Variants in FHOD3 observed in about 807,000 individuals in gnomAD.
FHOD3 encodes FH1/FH2 domain-containing protein 3.
In FHOD3, 90 loss-of-function variants were observed where a neutral mutation model predicts 173.0. The ratio of observed to expected loss-of-function variants is 0.52; its 90% CI spans 0.44 to 0.62. The LOEUF is 0.62. FHOD3 is among the 20% of genes least tolerant of loss of function. FHOD3 has a pLI of 0.00. For missense variants in FHOD3, 1,945 were observed against 2,034.7 expected (o/e 0.96, Z 0.85); for synonymous variants, 828 against 823.0 (o/e 1.01, Z -0.10).
At chr18:36,755,397 CTTTTTTTTTTTTTT>C (rs200164880) in intron 25 of FHOD3, 86 bp downstream of exon 25, 191 of 212,442 alleles carry the variant, frequency 9.0e-4, no homozygotes, top group South Asian at 1.6e-3. Context: ...AAAAGCTGTG[CTTTTTTTTTTTTTT>C]TTTTTTTTTT....
intron 5 of FHOD3, among the ~76,000 whole-genome samples, chr18:36,515,454 G>A (rs1424739543): frequency 1.3e-5 from 2 of 152,100 alleles, no homozygotes; most frequent in African/African-American, 2.4e-5. Context: ...TCCTGACCTC[G>A]TGATCACCCG....
At chr18:36,515,936 A>G (rs1039624583) in intron 5 of FHOD3, among the ~76,000 whole-genome samples, 10 of 152,186 alleles carry the variant, frequency 6.6e-5, no homozygotes, top group Admixed American at 2.0e-4. Flanking sequence ...ACTGTGCCCA[A>G]TTGTCACCAC....
intron 5 of FHOD3, among the ~76,000 whole-genome samples, chr18:36,542,672 C>T (rs2057270279): frequency 6.6e-6 from 1 of 152,124 alleles, no homozygotes; most frequent in Non-Finnish European, 1.5e-5. Flanking sequence ...AAAAAAATGG[C>T]ATATTTAAAC....
intron 1 of FHOD3, among the ~76,000 whole-genome samples, chr18:36,354,557 T>G (rs976976968): frequency 1.3e-5 from 2 of 152,138 alleles, no homozygotes; most frequent in African/African-American, 4.8e-5. Flanking sequence ...ATTCCAGCAC[T>G]TTGGGAGGCC....
At chr18:36,609,950 C>G (rs1386760904) in intron 8 of FHOD3, among the ~76,000 whole-genome samples, 1 of 152,128 alleles carries the variant, frequency 6.6e-6, no homozygotes, top group African/African-American at 2.4e-5. Flanking sequence ...AAATTATTTA[C>G]CAGTGATTCC....
chr18:36,759,219 C>A, intron 26 of FHOD3, 78 bp downstream of exon 26: 2 of 1,418,258 alleles, frequency 1.4e-6, no homozygotes, highest in Non-Finnish European at 1.9e-6. Context: ...ACATAATCAG[C>A]ATGAAGTGTC....
At chr18:36,729,548 G>A (rs1340022396) in intron 19 of FHOD3, among the ~76,000 whole-genome samples, 1 of 152,222 alleles carries the variant, frequency 6.6e-6, no homozygotes, top group Non-Finnish European at 1.5e-5. Flanking sequence ...GTACTGGCCA[G>A]TTAGGTTTCT....
intron 13 of FHOD3, among the ~76,000 whole-genome samples, chr18:36,656,607 T>C (rs2036443009): frequency 6.6e-6 from 1 of 152,208 alleles, no homozygotes; most frequent in Admixed American, 6.5e-5. Flanking sequence ...TTCATCTCTC[T>C]ATTCTTTTTT....
At chr18:36,734,983 A>G (rs1199164517) in intron 20 of FHOD3, among the ~76,000 whole-genome samples, 1 of 152,236 alleles carries the variant, frequency 6.6e-6, no homozygotes, top group Non-Finnish European at 1.5e-5. Flanking sequence ...TCATAAGAGT[A>G]TTAAACCAGA....
chr18:36,429,536 A>G (rs1190255345), intron 3 of FHOD3, among the ~76,000 whole-genome samples: 1 of 152,158 alleles, frequency 6.6e-6, no homozygotes, highest in Non-Finnish European at 1.5e-5. Flanking sequence ...CCACATGCGA[A>G]CTTCATTCCT....
intron 14 of FHOD3, among the ~76,000 whole-genome samples, chr18:36,680,452 AT>A (rs965236270): frequency 1.4e-4 from 21 of 152,188 alleles, no homozygotes; most frequent in African/African-American, 4.1e-4. Flanking sequence ...TGTTTTGGAG[AT>A]TTTTTTCCAT....
intron 1 of FHOD3, among the ~76,000 whole-genome samples, chr18:36,299,024 C>T (rs752274039): frequency 1.1e-4 from 16 of 150,094 alleles, no homozygotes; most frequent in Admixed American, 1.3e-4. Flanking sequence ...AAGAGATAAG[C>T]GTTGATGCCC....
intron 10 of FHOD3, among the ~76,000 whole-genome samples, chr18:36,629,432 G>A (rs948860735): frequency 5.3e-5 from 8 of 152,214 alleles, no homozygotes; most frequent in South Asian, 2.1e-4. Flanking sequence ...CTCACAGGCC[G>A]TATAAAAACA....
chr18:36,325,042 A>G (rs2044598194), intron 1 of FHOD3, among the ~76,000 whole-genome samples: 2 of 152,230 alleles, frequency 1.3e-5, no homozygotes, highest in Non-Finnish European at 2.9e-5. Flanking sequence ...AATCTCACAG[A>G]TATATAGTTG....
rs1600394763 is a variant in FHOD3 at position 36,718,195 on chromosome 18, A to G, written c.2897A>G (p.Glu966Gly). 3 of 1,613,894 alleles carry G rather than the reference A, an allele frequency of 1.9e-6. No homozygotes were observed. In the South Asian group the frequency reaches 3.3e-5, roughly 18 times the overall value. Residue 966 changes from glutamate to glycine, a missense_variant, in exon 19 of 29, where the codon GAA becomes GGA. Physicochemically the swap from Glu to Gly is moderately conservative, Grantham distance 98. Coordinates refer to ENST00000590592, the MANE Select transcript of FHOD3 (RefSeq NM_001281740.3). ...PDAEPNDKVPETAPVQPKTES... is the reference protein window; with the variant it reads ...PDAEPNDKVPGTAPVQPKTES... ...GCTGAGCCCAATGACAAGGTCCCAGAAACAGCGCCGGTGCAGCCGAAGACA... is the reference window on the plus strand; with the variant it reads ...GCTGAGCCCAATGACAAGGTCCCAGGAACAGCGCCGGTGCAGCCGAAGACA...
In FHOD3 at chr18:36,708,824, T is replaced by C. The variant is rs143997540; in HGVS notation, c.2237-271T>C. On this transcript the variant is annotated intron_variant, in intron 17 of 28. Transcript: ENST00000590592. ...TTTTCTGCTGCCAATTGGAAAACTC[T>C]CTGCCTTTAAAAGCCTTTCCTGATT... Among the ~76,000 whole-genome samples, 4 of 152,338 alleles carry C rather than the reference T, an allele frequency of 2.6e-5. No homozygotes were observed. In the East Asian group the frequency reaches 7.7e-4, roughly 29 times the overall value.
intron 5 of FHOD3, among the ~76,000 whole-genome samples, chr18:36,558,896 G>A (rs1269491434): frequency 6.6e-6 from 1 of 152,262 alleles, no homozygotes; most frequent in African/African-American, 2.4e-5. Flanking sequence ...TGGTGTCACT[G>A]CTGAGTTGCA....
At chr18:36,348,858 G>A (rs372826350) in intron 1 of FHOD3, among the ~76,000 whole-genome samples, 14 of 152,258 alleles carry the variant, frequency 9.2e-5, no homozygotes, top group African/African-American at 3.1e-4. Flanking sequence ...CTGCAGTGTC[G>A]TGGTGCATTC....
At chr18:36,433,103 C>T (rs567032339) in intron 3 of FHOD3, among the ~76,000 whole-genome samples, 2 of 152,140 alleles carry the variant, frequency 1.3e-5, no homozygotes, top group African/African-American at 2.4e-5. Context: ...AGGATAATCT[C>T]GCCTTTGATT....
Sources: allele counts gnomAD v4.1 joint callset (sites outside exome capture counted in the v4.1 genomes callset), GRCh38; gene constraint gnomAD v4.1.1; transcripts MANE v1.5; gene names NCBI Gene and HGNC (gene_info 2026-07-23, HGNC 2026-07-21).